RADIL: variants seen among roughly 807,000 people sequenced by gnomAD.
The protein encoded by RADIL is ras-associating and dilute domain-containing protein.
A neutral mutation model predicts 97.6 loss-of-function variants in RADIL; 99 were observed. The observed-to-expected ratio is 1.01, with a 90% confidence interval of 0.86 to 1.20. The LOEUF is 1.20. Among genes scored for constraint, RADIL ranks in the 50% most tolerant of loss-of-function variants. The pLI, the probability that RADIL is intolerant of heterozygous loss-of-function variation, is 0.00. For missense variants in RADIL, 1,765 were observed against 1,498.9 expected (o/e 1.18, Z -2.93); for synonymous variants, 803 against 691.8 (o/e 1.16, Z -2.52).
intron 4 of RADIL, 185 bp from the exon 5 acceptor site, chr7:4,832,363 T>G: frequency 1.6e-6 from 1 of 625,482 alleles, no homozygotes; most frequent in East Asian, 2.9e-5. Context: ...CATCTTCCCA[T>G]TCCATTACCG....
chr7:4,861,984 A>C, intron 2 of RADIL: 2 of 453,276 alleles, frequency 4.4e-6, no homozygotes, highest in Non-Finnish European at 7.8e-6. Context: ...CCTTCCCCTC[A>C]GCCCCAACAT....
chr7:4,808,227 CTCTCTCTCCCCGCT>C (rs1487883306), intron 9 of RADIL, among the ~76,000 whole-genome samples: 3 of 149,776 alleles, frequency 2.0e-5, no homozygotes, highest in African/African-American at 7.4e-5. Context: ...CCTCCGCCCC[CTCTCTCTCCCCGCT>C]CCTCACCCTC....
chr7:4,803,590 G>A lies in RADIL; in HGVS notation c.2455C>T (p.Pro819Ser), dbSNP rs952308581. 4 of 1,546,778 alleles carry A rather than the reference G, an allele frequency of 2.6e-6. No homozygotes were observed. The highest frequency in any genetic ancestry group is 3.5e-6 in the Non-Finnish European group (4 of 1,145,516). ...GLRSRASPGS[P>S]GRPGSGASQP... Reference sequence around the variant, plus strand: ...GAGGCCCCACTGCCAGGCCTGCCAGGGCTGCCGGGGCTGGCTCTGCTCCGC... The same window carrying A: ...GAGGCCCCACTGCCAGGCCTGCCAGAGCTGCCGGGGCTGGCTCTGCTCCGC... The change falls in exon 11 of 15, where the codon CCT becomes TCT. Residue 819 changes from proline to serine, a missense_variant. Pro to Ser is a moderately conservative substitution (Grantham distance 74, BLOSUM62 -1). Coordinates refer to ENST00000399583, the MANE Select transcript of RADIL (RefSeq NM_018059.5).
At chr7:4,823,046 G>A (rs7800598) in intron 5 of RADIL, among the ~76,000 whole-genome samples, 26,097 of 152,150 alleles carry the variant, frequency 0.17, 4,114 homozygotes, top group African/African-American at 0.42. Flanking sequence ...GTGCACAAAG[G>A]CAAAATGAAA....
intron 5 of RADIL, among the ~76,000 whole-genome samples, chr7:4,827,774 C>T (rs781546871): frequency 8.5e-5 from 13 of 152,218 alleles, no homozygotes; most frequent in South Asian, 2.1e-4. Flanking sequence ...GATGTTCTTC[C>T]AGCAAACCTT....
In RADIL at chr7:4,825,883, GAAAAAAAAAAAA is replaced by G. The variant is rs540147941; in HGVS notation, c.1455-3341_1455-3330del. ...GGCTACAGAGCGAGACTCCGTCTCA[GAAAAAAAAAAAA>G]AAAAAAAAAAAAAGGGAAATGAAAT... On this transcript the variant is annotated intron_variant, in intron 5 of 14. Transcript: ENST00000399583. 1.4e-4 allele frequency among the ~76,000 whole-genome samples: 7 copies of G among 51,036 alleles called. No individual in the cohort carries two copies. In the South Asian group the frequency reaches 3.8e-3, roughly 28 times the overall value. 33.5% of individuals were successfully genotyped at this position (51,036 alleles called of 152,430 possible).
rs1781953984 is a variant in RADIL, at chr7:4,797,415, G to A, written c.*1963C>T. Reference sequence around the variant, plus strand: ...GTTCGGAGCAAGTCAGAAGGCCGGAGAATATTGCAGGGAAGAAGAGATAAG... The same window carrying A: ...GTTCGGAGCAAGTCAGAAGGCCGGAAAATATTGCAGGGAAGAAGAGATAAG... On this transcript the variant is annotated 3_prime_UTR_variant, in exon 15 of 15. Transcript: ENST00000399583. 2 of 152,244 alleles carry A rather than the reference G, an allele frequency of 1.3e-5. No individual in the cohort carries two copies. Among genetic ancestry groups the A allele is most frequent in the South Asian group, 4.1e-4 (2 of 4,836 alleles). The allele number at this position is 152,244 out of a possible 1,614,324, so 9.4% of individuals were successfully genotyped here.
At chr7:4,882,675 C>G (rs898155577) in intron 1 of RADIL, among the ~76,000 whole-genome samples, 2 of 152,150 alleles carry the variant, frequency 1.3e-5, no homozygotes, top group African/African-American at 4.8e-5. Flanking sequence ...TCCATGAATC[C>G]TATCTTTACA....
At chr7:4,810,991 G>T (rs557221746) in intron 9 of RADIL, among the ~76,000 whole-genome samples, 4 of 152,290 alleles carry the variant, frequency 2.6e-5, no homozygotes, top group Admixed American at 2.0e-4. Context: ...ACAAAAATTA[G>T]CTGGGTGTGG....
chr7:4,797,999 T>C lies in RADIL; in HGVS notation c.*1379A>G, dbSNP rs1020191473. 28 of 147,236 alleles carry C rather than the reference T, an allele frequency of 1.9e-4. No individual in the cohort carries two copies. The highest frequency in any genetic ancestry group is 7.2e-4 in the African/African-American group (28 of 39,062). 9.1% of individuals were successfully genotyped at this position (147,236 alleles called of 1,614,324 possible). A position where few individuals can be genotyped will look rare whatever the true frequency, so the allele number is the denominator to read the frequency against. ...ATAAAAAAAAATTAAATATTTATAT[T>C]TTATATAATAAAATATAAAAAATGT... On this transcript the variant is annotated 3_prime_UTR_variant, in exon 15 of 15. Coordinates refer to ENST00000399583, the MANE Select transcript of RADIL (RefSeq NM_018059.5).
Position 4,816,337 on chromosome 7 carries a change from G to C in RADIL, c.1857C>G (p.Ala619=), listed in dbSNP as rs768638881. ...CCTGCAGCTGCCGCAGGAGGTCCAG[G>C]GCTGCCTGGTACACAGACACCACGC... ...LRRVVSVYQA[A]LDLLRQLQVH... Residue 619 remains alanine, a synonymous_variant, in exon 8 of 15, where the codon GCC becomes GCG. Coordinates refer to ENST00000399583, the MANE Select transcript of RADIL (RefSeq NM_018059.5). The C allele has an allele frequency of 6.8e-6, 11 of 1,612,404 alleles. No individual in the cohort carries two copies. The highest frequency in any genetic ancestry group is 9.3e-6 in the Non-Finnish European group (11 of 1,179,732).
rs374506286 is a variant in RADIL, at chr7:4,800,140, G to A, written c.2982+31C>T. Reference sequence around the variant, plus strand: ...ACAGGCGGGGCCAGGCAGCCAGTATGGGGGTGCGGCGAGGGTCCTGGGCCA... The same window carrying A: ...ACAGGCGGGGCCAGGCAGCCAGTATAGGGGTGCGGCGAGGGTCCTGGGCCA... On this transcript the variant is annotated intron_variant, in intron 13 of 14. Transcript: ENST00000399583. 2.9e-5 allele frequency: 46 copies of A among 1,562,188 alleles called. No homozygotes were observed. The South Asian group carries it at 5.1e-4, about 17-fold the overall frequency.
At chr7:4,832,410 A>C (rs1783170023) in intron 4 of RADIL, among the ~76,000 whole-genome samples, 1 of 152,126 alleles carries the variant, frequency 6.6e-6, no homozygotes, top group Non-Finnish European at 1.5e-5. Context: ...AGAGTATCTC[A>C]CAACTCTCTA....
Position 4,818,800 on chromosome 7 carries a change from T to G in RADIL, c.1616-1449A>C, listed in dbSNP as rs900531773. On this transcript the variant is annotated intron_variant, in intron 6 of 14. Transcript: ENST00000399583. This position sits in a 1 kb window ranked among gnomAD's most constrained non-coding sequence, Gnocchi z 7.1. ...CACTCCCTGGGCAGGGGCGGGGCAC[T>G]GGTGGGAAGAGGGAAACGGGGCATG... is the stretch of plus-strand genomic sequence containing the variant. 3.9e-5 allele frequency among the ~76,000 whole-genome samples: 6 copies of G among 152,040 alleles called. No homozygotes were observed. Among genetic ancestry groups the G allele is most frequent in the African/African-American group, 1.2e-4 (5 of 41,400 alleles).
chr7:4,841,735 C>T (rs564121932), intron 2 of RADIL, among the ~76,000 whole-genome samples: 14 of 152,302 alleles, frequency 9.2e-5, no homozygotes, highest in South Asian at 6.2e-4. Context: ...CATGGGGTCC[C>T]AGCCTCAGAA....
intron 8 of RADIL, among the ~76,000 whole-genome samples, chr7:4,816,019 C>T (rs771338732): frequency 6.6e-5 from 10 of 152,170 alleles, no homozygotes; most frequent in Non-Finnish European, 1.5e-4. Context: ...TCTCTGAAAC[C>T]CCGATGGGAC....
chr7:4,865,933 G>A (rs1443466854), intron 2 of RADIL: 3 of 587,208 alleles, frequency 5.1e-6, no homozygotes, highest in African/African-American at 3.7e-5. Context: ...TACTGTAGAG[G>A]TATGTAACCT....
chr7:4,820,184 A>G (rs1583280190), intron 6 of RADIL, among the ~76,000 whole-genome samples: 1 of 152,142 alleles, frequency 6.6e-6, no homozygotes, highest in Non-Finnish European at 1.5e-5. Context: ...AGTGAGGGTC[A>G]CCCTTGGCCG....
Position 4,835,191 on chromosome 7 carries a change from G to A in RADIL, c.832C>T (p.Arg278Trp), listed in dbSNP as rs756246829. The change falls in exon 4 of 15, where the codon CGG becomes TGG. Residue 278 changes from arginine (R) to tryptophan (W), a missense_variant. Transcript: ENST00000399583. The surrounding 1 kb of genome is among the most constrained non-coding windows in gnomAD (Gnocchi z 5.8). ...LNRDRHTVGQRTPSSKPSISL... is the reference protein window; with the variant it reads ...LNRDRHTVGQWTPSSKPSISL... ...ATGCTGGGCTTGCTGGAGGGGGTCC[G>A]CTGGCCCACCGTGTGCCGGTCCCGG... is the stretch of plus-strand genomic sequence containing the variant. The A allele has an allele frequency of 1.9e-6, 3 of 1,611,682 alleles. No individual in the cohort carries two copies. The highest frequency in any genetic ancestry group is 2.5e-6 in the Non-Finnish European group (3 of 1,179,722).
Sources: allele counts gnomAD v4.1 joint callset (sites outside exome capture counted in the v4.1 genomes callset), GRCh38; gene constraint gnomAD v4.1.1; non-coding constraint Gnocchi (gnomAD v3.1); transcripts MANE v1.5; gene names NCBI Gene and HGNC (gene_info 2026-07-23, HGNC 2026-07-21).